RBFOX1: variants seen among roughly 807,000 people sequenced by gnomAD.
RBFOX1 encodes the protein RNA binding fox-1 homolog 1.
Under a neutral mutation model 57.7 loss-of-function variants are expected in RBFOX1, and 8 were observed. That is an observed-to-expected ratio of 0.14 (90% CI 0.08 to 0.25). The LOEUF (loss-of-function observed/expected upper bound fraction) is 0.25. Among genes scored for constraint, RBFOX1 ranks in the 10% least tolerant of loss-of-function variants. The pLI, the probability that RBFOX1 is intolerant of heterozygous loss-of-function variation, is 1.00. For missense variants in RBFOX1, 611 were observed against 548.5 expected (o/e 1.11, Z -1.14); for synonymous variants, 326 against 222.4 (o/e 1.47, Z -4.15).
intron 1 of RBFOX1, among the ~76,000 whole-genome samples, chr16:5,399,735 A>G (rs2066660819): frequency 1.4e-5 from 2 of 139,958 alleles, no homozygotes. Flanking sequence ...CCCTGTCTTA[A>G]AAAAAAAAAA....
In RBFOX1 at chr16:5,391,095, A is replaced by G. The variant is rs78290413; in HGVS notation, c.220-76121A>G. 7.8e-3 allele frequency among the ~76,000 whole-genome samples: 1,192 copies of G among 152,314 alleles called. 18 individuals carry two copies. Among genetic ancestry groups the G allele is most frequent in the African/African-American group, 0.027 (1,105 of 41,586 alleles). ...CCATCTCTAGTGAGACAGCAGGAAC[A>G]TTCCTTGGAAGCAAAACCAGACATA... On this transcript the variant is annotated intron_variant, in intron 1 of 2. Transcript: ENST00000585867.
intron 1 of RBFOX1, among the ~76,000 whole-genome samples, chr16:6,028,670 G>T (rs1156699791): frequency 1.3e-5 from 2 of 152,060 alleles, no homozygotes; most frequent in African/African-American, 4.8e-5. Flanking sequence ...AACAGAGCAA[G>T]ACCCTATCTG....
At chr16:5,775,010 T>C (rs1281032905) in intron 3 of RBFOX1, among the ~76,000 whole-genome samples, 2 of 152,154 alleles carry the variant, frequency 1.3e-5, no homozygotes, top group South Asian at 2.1e-4. Flanking sequence ...ATTTTAAGAA[T>C]GGCAATCCCC....
chr16:5,530,999 C>T (rs1470947944), intron 2 of RBFOX1, among the ~76,000 whole-genome samples: 1 of 147,624 alleles, frequency 6.8e-6, no homozygotes, highest in Non-Finnish European at 1.5e-5. Flanking sequence ...GTGGCAGGCA[C>T]CTGTAGTCCC....
intron 1 of RBFOX1, among the ~76,000 whole-genome samples, chr16:5,286,672 A>G (rs1489637667): frequency 6.6e-6 from 1 of 152,218 alleles, no homozygotes; most frequent in Non-Finnish European, 1.5e-5. Context: ...CTAAAATGAT[A>G]AGCTCAGAAT....
At chr16:5,893,534 T>A (rs1351472732) in intron 4 of RBFOX1, among the ~76,000 whole-genome samples, 1 of 152,202 alleles carries the variant, frequency 6.6e-6, no homozygotes, top group Non-Finnish European at 1.5e-5. Context: ...TGGCTAGGCA[T>A]GGTGGCTCAC....
At chr16:6,846,404 A>G (rs933618763) in intron 3 of RBFOX1, among the ~76,000 whole-genome samples, 3 of 152,218 alleles carry the variant, frequency 2.0e-5, no homozygotes, top group Non-Finnish European at 4.4e-5. Flanking sequence ...GGCCTTTTCC[A>G]GTAAGAACAT....
At chr16:7,213,181 G>C (rs369489438) in intron 4 of RBFOX1, among the ~76,000 whole-genome samples, 1 of 152,180 alleles carries the variant, frequency 6.6e-6, no homozygotes, top group Non-Finnish European at 1.5e-5. Context: ...GTCAGGATCA[G>C]GAGAAATGCA....
intron 4 of RBFOX1, among the ~76,000 whole-genome samples, chr16:7,504,956 T>A (rs1370634679): frequency 6.7e-6 from 1 of 149,842 alleles, no homozygotes; most frequent in Non-Finnish European, 1.5e-5. Context: ...CTACGCAGCA[T>A]GCCTTTCCAG....
chr16:6,993,789 A>C (rs898200926), intron 3 of RBFOX1, among the ~76,000 whole-genome samples: 1 of 152,186 alleles, frequency 6.6e-6, no homozygotes, highest in Non-Finnish European at 1.5e-5. Flanking sequence ...ATCCTGGAGC[A>C]TGGAAACTGT....
intron 3 of RBFOX1, among the ~76,000 whole-genome samples, chr16:6,882,312 CTTG>C (rs2063114221): frequency 6.6e-6 from 1 of 152,232 alleles, no homozygotes; most frequent in South Asian, 2.1e-4. Context: ...GGGTCTCATC[CTTG>C]TTGTTTGCAA....
chr16:5,525,753 C>T (rs1171580981), intron 2 of RBFOX1, among the ~76,000 whole-genome samples: 2 of 152,022 alleles, frequency 1.3e-5, no homozygotes, highest in Non-Finnish European at 2.9e-5. Flanking sequence ...CCTCCTTGGC[C>T]TCCCAAAGTG....
chr16:6,558,027 G>A (rs1031618182), intron 2 of RBFOX1, among the ~76,000 whole-genome samples: 2 of 152,122 alleles, frequency 1.3e-5, no homozygotes, highest in Non-Finnish European at 2.9e-5. Context: ...TAGGAAAATT[G>A]AGATCTATTT....
intron 3 of RBFOX1, among the ~76,000 whole-genome samples, chr16:5,636,766 TCTTG>T (rs1197684961): frequency 1.3e-5 from 2 of 152,180 alleles, no homozygotes; most frequent in Non-Finnish European, 2.9e-5. Context: ...CCAGAGCTAT[TCTTG>T]CTTGTTTTTA....
chr16:5,677,228 G>A (rs945091585), intron 3 of RBFOX1, among the ~76,000 whole-genome samples: 1 of 152,178 alleles, frequency 6.6e-6, no homozygotes, highest in Non-Finnish European at 1.5e-5. Context: ...ATTCTCTTGA[G>A]GCTGTTGAGT....
chr16:5,610,212 C>G (rs1026030548), intron 3 of RBFOX1: 3 of 152,250 alleles, frequency 2.0e-5, no homozygotes, highest in African/African-American at 7.2e-5. Context: ...TCTTGTATCC[C>G]CAGCACCTAT....
At chr16:6,315,554 TG>T in intron 1 of RBFOX1, among the ~76,000 whole-genome samples, 1 of 72,496 alleles carries the variant, frequency 1.4e-5, no homozygotes, top group Non-Finnish European at 3.7e-5. Flanking sequence ...GATGGATGGA[TG>T]GATGGATGGA....
intron 3 of RBFOX1, among the ~76,000 whole-genome samples, chr16:5,649,965 G>A (rs1273412014): frequency 6.6e-6 from 1 of 152,308 alleles, no homozygotes; most frequent in Admixed American, 6.5e-5. Flanking sequence ...GGAACACGCG[G>A]GGAGGTCGGC....
intron 4 of RBFOX1, among the ~76,000 whole-genome samples, chr16:7,067,756 A>G (rs1010042514): frequency 5.7e-5 from 8 of 140,632 alleles, no homozygotes; most frequent in East Asian, 4.4e-4. Flanking sequence ...TCATTGTTCA[A>G]TTCCTACCTA....
Sources: allele counts gnomAD v4.1 joint callset (sites outside exome capture counted in the v4.1 genomes callset), GRCh38; gene constraint gnomAD v4.1.1; transcripts MANE v1.5; gene names NCBI Gene and HGNC (gene_info 2026-07-23, HGNC 2026-07-21).